The following RAD54B variants were observed in gnomAD, a reference collection of about 807,000 sequenced individuals.
The protein encoded by RAD54B is DNA repair and recombination protein RAD54B.
RAD54B carries 78 observed loss-of-function variants against 95.8 expected under a neutral mutation model. The ratio of observed to expected loss-of-function variants is 0.81; its 90% CI spans 0.68 to 0.98. RAD54B has a LOEUF of 0.98. RAD54B is among the 50% of genes least tolerant of loss of function. RAD54B has a pLI of 0.00. For synonymous variants in RAD54B, 328 were observed against 354.9 expected (o/e 0.92, Z 0.85); for missense variants, 957 against 1,056.6 (o/e 0.91, Z 1.31).
Position 94,399,555 on chromosome 8 carries a change from A to G in RAD54B, c.1237T>C (p.Leu413=). The part of the protein sequence containing the change: ...YSVLIISYEM[L]LRSLDQIKNI... ...TTAATTTGATCCAGGGAACGAAGTAACATTTCATAACTGATAATAAGAACA... is the reference window on the plus strand; with the variant it reads ...TTAATTTGATCCAGGGAACGAAGTAGCATTTCATAACTGATAATAAGAACA... The change falls in exon 8 of 15, where the codon TTA becomes CTA. Residue 413 remains leucine (L), a synonymous_variant. Transcript: ENST00000336148. 2 of 1,613,044 alleles carry G rather than the reference A, an allele frequency of 1.2e-6. No individual in the cohort carries two copies. The highest frequency in any genetic ancestry group is 1.7e-6 in the Non-Finnish European group (2 of 1,179,446).
At chr8:94,453,431 G>C (rs982585799) in intron 3 of RAD54B, among the ~76,000 whole-genome samples, 1 of 152,106 alleles carries the variant, frequency 6.6e-6, no homozygotes, top group African/African-American at 2.4e-5. Flanking sequence ...TCAGGAGGCT[G>C]AGGCAGAAGA....
intron 3 of RAD54B, among the ~76,000 whole-genome samples, chr8:94,440,225 G>C (rs1812368088): frequency 6.6e-6 from 1 of 151,318 alleles, no homozygotes; most frequent in Non-Finnish European, 1.5e-5. Flanking sequence ...TCAGAGCTTA[G>C]TCCTCAATGC....
chr8:94,387,233 T>A, intron 10 of RAD54B, 74 bp from the exon 11 acceptor site: 1 of 1,279,566 alleles, frequency 7.8e-7, no homozygotes, highest in Non-Finnish European at 1.1e-6. Context: ...GCTAAAATTA[T>A]GGAAGGAAAA....
Position 94,404,242 on chromosome 8 carries a change from TA to T in RAD54B, c.782-4del. 1 of 1,576,230 alleles carries T rather than the reference TA, an allele frequency of 6.3e-7. No homozygotes were observed. Among genetic ancestry groups the T allele is most frequent in the Non-Finnish European group, 8.6e-7 (1 of 1,165,234 alleles). ...TGGTCGTGGCATAACGAGGGAATCTTAAAAAATGATAAAAGTACAAGTATTG... is the reference window on the plus strand; with the variant it reads ...TGGTCGTGGCATAACGAGGGAATCTTAAAAATGATAAAAGTACAAGTATTG... On this transcript the variant is annotated splice_region_variant and splice_polypyrimidine_tract_variant and intron_variant, in intron 5 of 14. Coordinates refer to ENST00000336148, the MANE Select transcript of RAD54B (RefSeq NM_012415.3).
chr8:94,417,878 GTTGTTT>G (rs1225821732), intron 3 of RAD54B, among the ~76,000 whole-genome samples: 1 of 152,130 alleles, frequency 6.6e-6, no homozygotes, highest in African/African-American at 2.4e-5. Context: ...AACCACCAAA[GTTGTTT>G]TCTGAGAAAA....
chr8:94,402,064 T>C (rs1040530476), intron 6 of RAD54B, among the ~76,000 whole-genome samples: 46 of 152,124 alleles, frequency 3.0e-4, no homozygotes, highest in Non-Finnish European at 4.4e-5. Flanking sequence ...GAGTTTAGAC[T>C]GTATCTTATA....
intron 11 of RAD54B, among the ~76,000 whole-genome samples, chr8:94,381,937 C>A (rs1316497380): frequency 2.6e-5 from 4 of 151,942 alleles, no homozygotes; most frequent in African/African-American, 9.7e-5. Flanking sequence ...CACGGTGAAA[C>A]CCCGTCTCTA....
At chr8:94,394,787 G>A (rs1489802435) in intron 8 of RAD54B, among the ~76,000 whole-genome samples, 1 of 152,026 alleles carries the variant, frequency 6.6e-6, no homozygotes, top group Non-Finnish European at 1.5e-5. Context: ...GTTGTCCAAA[G>A]ATATAAATAA....
intron 3 of RAD54B, among the ~76,000 whole-genome samples, chr8:94,423,951 G>T (rs747560161): frequency 6.6e-6 from 1 of 152,104 alleles, no homozygotes; most frequent in Non-Finnish European, 1.5e-5. Flanking sequence ...TAAAGAGCGG[G>T]TAAAAAGAAT....
At position 94,437,820 on chromosome 8, in the gene RAD54B, A is replaced by G. The variant is rs1812304239; in HGVS notation, c.304+20448T>C. Among the ~76,000 whole-genome samples the G allele has an allele frequency of 3.9e-5, 6 of 152,358 alleles. No individual in the cohort carries two copies. In the South Asian group the frequency reaches 1.2e-3, roughly 32 times the overall value. On this transcript the variant is annotated intron_variant, in intron 3 of 14. Transcript: ENST00000336148. ...GTTTGGACTATGAAAGGAAACAGCTAGTCTAGCCATTTTCAAGGCCACCAG... is the reference window on the plus strand; with the variant it reads ...GTTTGGACTATGAAAGGAAACAGCTGGTCTAGCCATTTTCAAGGCCACCAG...
intron 5 of RAD54B, among the ~76,000 whole-genome samples, chr8:94,406,308 A>T (rs758757650): frequency 6.6e-6 from 1 of 152,190 alleles, no homozygotes; most frequent in Non-Finnish European, 1.5e-5. Flanking sequence ...GAATAAGCAC[A>T]GTATTCTTTT....
chr8:94,422,341 C>T (rs1418544343), intron 3 of RAD54B, among the ~76,000 whole-genome samples: 1 of 151,570 alleles, frequency 6.6e-6, no homozygotes, highest in Non-Finnish European at 1.5e-5. Flanking sequence ...AATCCCAGCA[C>T]TTTGGGAGGC....
chr8:94,445,405 C>T (rs1812497917), intron 3 of RAD54B, among the ~76,000 whole-genome samples: 1 of 152,172 alleles, frequency 6.6e-6, no homozygotes, highest in Non-Finnish European at 1.5e-5. Flanking sequence ...CCTGACGCTA[C>T]TTGAGCCCTC....
intron 3 of RAD54B, 57 bp from the exon 4 acceptor site, chr8:94,411,372 A>G (rs1254326841): frequency 6.5e-6 from 9 of 1,392,054 alleles, no homozygotes; most frequent in African/African-American, 1.5e-5. Flanking sequence ...CTAAGTAGTA[A>G]GGTCATTCAA....
At chr8:94,474,806 G>GC (rs999087587) in intron 1 of RAD54B, among the ~76,000 whole-genome samples, 195 bp downstream of exon 1, 101 of 152,196 alleles carry the variant, frequency 6.6e-4, no homozygotes, top group African/African-American at 2.4e-3. Flanking sequence ...TCGCTCCAAG[G>GC]CCCCCGGGGC....
chr8:94,390,884 T>C (rs909249194), intron 10 of RAD54B, among the ~76,000 whole-genome samples: 2 of 152,198 alleles, frequency 1.3e-5, no homozygotes, highest in African/African-American at 4.8e-5. Flanking sequence ...CTTATACACA[T>C]AGCCTGAAGG....
At chr8:94,382,465 G>T (rs967966412) in intron 11 of RAD54B, among the ~76,000 whole-genome samples, 1 of 152,090 alleles carries the variant, frequency 6.6e-6, no homozygotes, top group African/African-American at 2.4e-5. Flanking sequence ...GTAGAATAAA[G>T]ACAGTTTCAG....
intron 5 of RAD54B, 134 bp downstream of exon 5, chr8:94,407,305 G>A (rs1811414432): frequency 1.2e-6 from 1 of 828,614 alleles, no homozygotes; most frequent in African/African-American, 1.7e-5. Context: ...TATCTCTTAT[G>A]TCAGATTATA....
chr8:94,453,739 A>T (rs1261798691), intron 3 of RAD54B, among the ~76,000 whole-genome samples: 2 of 152,194 alleles, frequency 1.3e-5, no homozygotes, highest in Admixed American at 1.3e-4. Flanking sequence ...CCTCTGGGGA[A>T]GGGAAGTAGA....
Sources: allele counts gnomAD v4.1 joint callset (sites outside exome capture counted in the v4.1 genomes callset), GRCh38; gene constraint gnomAD v4.1.1; transcripts MANE v1.5; gene names NCBI Gene and HGNC (gene_info 2026-07-23, HGNC 2026-07-21).